Variants in SLC2A2 observed in about 807,000 individuals in gnomAD.
The protein encoded by SLC2A2 is solute carrier family 2, facilitated glucose transporter member 2.
Under a neutral mutation model 54.5 loss-of-function variants are expected in SLC2A2, and 36 were observed. That is an observed-to-expected ratio of 0.66 (90% confidence interval 0.51 to 0.87). SLC2A2 has a LOEUF of 0.87. Among genes scored for constraint, SLC2A2 ranks in the 40% least tolerant of loss-of-function variants. SLC2A2 has a pLI of 0.00. For missense variants in SLC2A2, 543 were observed against 624.3 expected, an observed-to-expected ratio of 0.87 and a Z score of 1.39; for synonymous variants, 223 against 219.1, an observed-to-expected ratio of 1.02 and a Z score of -0.16.
intron 3 of SLC2A2, among the ~76,000 whole-genome samples, chr3:171,013,551 C>T (rs556957938): frequency 2.2e-4 from 34 of 151,952 alleles, no homozygotes; most frequent in African/African-American, 7.7e-4. Flanking sequence ...TTTTAATAAC[C>T]AGAGAGCTAA....
At chr3:171,004,628 T>A (rs1003234559) in intron 7 of SLC2A2, among the ~76,000 whole-genome samples, 11 of 151,940 alleles carry the variant, frequency 7.2e-5, no homozygotes, top group Middle Eastern at 3.4e-3. Context: ...AACAAATGCT[T>A]AATTTTTTCC....
intron 2 of SLC2A2, among the ~76,000 whole-genome samples, chr3:171,015,154 C>T (rs1252017526): frequency 2.0e-5 from 3 of 152,090 alleles, no homozygotes; most frequent in Non-Finnish European, 4.4e-5. Flanking sequence ...TAAATATTGG[C>T]AACTATTGAA....
intron 3 of SLC2A2, among the ~76,000 whole-genome samples, chr3:171,013,932 G>T (rs773917957): frequency 1.7e-5 from 2 of 119,316 alleles, no homozygotes; most frequent in Non-Finnish European, 3.5e-5. Context: ...TTCATCTCTG[G>T]TTGGGGCTTT....
At chr3:171,022,686 G>T (rs1158510653) in intron 1 of SLC2A2, among the ~76,000 whole-genome samples, 1 of 152,134 alleles carries the variant, frequency 6.6e-6, no homozygotes, top group African/African-American at 2.4e-5. Flanking sequence ...TTCTCTGGGG[G>T]TTCTCTCCCT....
rs760974591 is a variant in SLC2A2, at chr3:170,997,888, A to G, written c.*15T>C. On this transcript the variant is annotated 3_prime_UTR_variant, in exon 11 of 11. Coordinates refer to ENST00000314251, the MANE Select transcript of SLC2A2 (RefSeq NM_000340.2). ...CTTATTGTTTCTGTTCATGTCAAAA[A>G]GCAGGGTTTTTTTTTTACACAGTCT... 1 of 1,605,952 alleles carries G rather than the reference A, an allele frequency of 6.2e-7. No homozygotes were observed. Among genetic ancestry groups the G allele is most frequent in the Non-Finnish European group, 8.5e-7 (1 of 1,174,262 alleles).
chr3:171,026,282 C>A (rs539138190), intron 1 of SLC2A2, among the ~76,000 whole-genome samples: 8 of 151,546 alleles, frequency 5.3e-5, no homozygotes, highest in Admixed American at 2.0e-4. Context: ...AGAGAACAAC[C>A]CTTCTACCTC....
chr3:171,013,420 G>A (rs1715980441), intron 3 of SLC2A2, among the ~76,000 whole-genome samples: 1 of 151,968 alleles, frequency 6.6e-6, no homozygotes, highest in Admixed American at 6.5e-5. Flanking sequence ...CTTTTATGGT[G>A]GAGAAAACTC....
At chr3:171,006,414 A>C (rs542519450) in intron 5 of SLC2A2, among the ~76,000 whole-genome samples, 1 of 152,182 alleles carries the variant, frequency 6.6e-6, no homozygotes, top group South Asian at 2.1e-4. Context: ...AAGCTTAGGC[A>C]AAAATACGTA....
At chr3:170,998,936 G>A (rs1290253006) in intron 9 of SLC2A2, 129 bp downstream of exon 9, 1 of 759,358 alleles carries the variant, frequency 1.3e-6, no homozygotes, top group Admixed American at 1.8e-5. Flanking sequence ...ATTTTATGCT[G>A]TTGCTCTGGC....
intron 8 of SLC2A2, among the ~76,000 whole-genome samples, 195 bp from the exon 9 acceptor site, chr3:170,999,361 T>A (rs1268980598): frequency 6.6e-6 from 1 of 152,068 alleles, no homozygotes; most frequent in African/African-American, 2.4e-5. Context: ...CTAGTTTCAG[T>A]GGACAGCGGG....
Position 171,005,287 on chromosome 3 carries a change from C to A in SLC2A2, c.961G>T (p.Gly321Cys), listed in dbSNP as rs757366672. 1.2e-6 allele frequency: 2 copies of A among 1,612,432 alleles called. No homozygotes were observed. The highest frequency in any genetic ancestry group is 1.3e-5 in the African/African-American group (1 of 74,798). ...HVAQQFSGIN[G>C]IFYYSTSIFQ... ...TTAGTGGGTGTTCTTAAACTTACGC[C>A]ATTGATTCCGGAAAATTGCTGAGCC... The change falls in exon 7 of 11, where the codon GGC becomes TGC. Residue 321 changes from glycine to cysteine, a missense_variant and splice_region_variant. Transcript: ENST00000314251.
intron 8 of SLC2A2, among the ~76,000 whole-genome samples, chr3:171,001,898 T>C (rs888371528): frequency 6.7e-6 from 1 of 148,764 alleles, no homozygotes; most frequent in Admixed American, 6.7e-5. Context: ...TATAAAGTTA[T>C]TTGGTTTTAA....
chr3:171,011,064 A>G (rs1322948548), intron 3 of SLC2A2, among the ~76,000 whole-genome samples: 1 of 152,088 alleles, frequency 6.6e-6, no homozygotes, highest in East Asian at 1.9e-4. Flanking sequence ...GGCCTTTTCC[A>G]TGCAAGTATC....
chr3:171,005,538 T>A, intron 6 of SLC2A2, 66 bp from the exon 7 acceptor site: 1 of 1,300,932 alleles, frequency 7.7e-7, no homozygotes, highest in Non-Finnish European at 1.1e-6. Context: ...ATTTTTATGT[T>A]AATGAAAGAG....
At position 170,997,991 on chromosome 3, in the gene SLC2A2, G is replaced by A. The variant is rs1445660295; in HGVS notation, c.1487C>T (p.Ala496Val). ...ETKGKSFEEI[A>V]AEFQKKSGSA... is the part of the protein sequence containing the mutation. ...GCCACTCTTCTTTTGGAATTCTGCA[G>A]CAATTTCCTCAAAAGACTTTCCTTT... The change falls in exon 11 of 11, where the codon GCT becomes GTT. Residue 496 changes from alanine to valine, a missense_variant. Ala to Val is a moderately conservative substitution (Grantham distance 64). Around this residue, in one of 3 missense-constraint regions of SLC2A2, gnomAD observed 108 missense variants for 101.3 expected, o/e 1.07. Transcript: ENST00000314251. The A allele has an allele frequency of 6.2e-7, 1 of 1,613,530 alleles. No individual in the cohort carries two copies. The highest frequency in any genetic ancestry group is 1.7e-5 in the Admixed American group (1 of 59,920).
chr3:171,008,978 T>C (rs780273292), intron 4 of SLC2A2, among the ~76,000 whole-genome samples: 25 of 152,122 alleles, frequency 1.6e-4, no homozygotes, highest in Non-Finnish European at 2.9e-4. Context: ...ATTCAAGTCT[T>C]TTCTGTAGGT....
Position 171,005,487 on chromosome 3 carries a change from GA to G in SLC2A2, c.776-16del. ...TCTTTTCAAGCCTGTCCAAGAAAAT[GA>G]TCAGGTTGAAACAACTCAGGCCAAA... is the stretch of plus-strand genomic sequence containing the variant. On this transcript the variant is annotated splice_polypyrimidine_tract_variant and intron_variant, in intron 6 of 10. Coordinates refer to ENST00000314251, the MANE Select transcript of SLC2A2 (RefSeq NM_000340.2). 1.2e-6 allele frequency: 2 copies of G among 1,607,398 alleles called. No homozygotes were observed. Among genetic ancestry groups the G allele is most frequent in the Non-Finnish European group, 1.7e-6 (2 of 1,175,462 alleles).
intron 4 of SLC2A2, among the ~76,000 whole-genome samples, chr3:171,007,623 C>T (rs1303190447): frequency 1.3e-5 from 2 of 151,978 alleles, no homozygotes; most frequent in Non-Finnish European, 2.9e-5. Flanking sequence ...AATTAGGGCT[C>T]ATGGGATTAA....
At chr3:171,023,781 A>G (rs1393367152) in intron 1 of SLC2A2, among the ~76,000 whole-genome samples, 1 of 152,218 alleles carries the variant, frequency 6.6e-6, no homozygotes, top group East Asian at 1.9e-4. Context: ...CAAAGTCCAC[A>G]TAACCTAGTA....
Sources: gnomAD v4.1 joint callset for allele counts (sites outside exome capture counted in the v4.1 genomes callset) on GRCh38, gnomAD v4.1.1 for gene constraint, gnomAD v4.1.1 regional missense constraint, MANE v1.5 for transcripts, NCBI Gene and HGNC (gene_info 2026-07-23, HGNC 2026-07-21) for gene names.